The following LHFPL6 variants were observed in gnomAD, a reference collection of about 807,000 sequenced individuals.
LHFPL6 encodes the protein LHFPL tetraspan subfamily member 6 protein.
A neutral mutation model predicts 20.6 loss-of-function variants in LHFPL6; 9 were observed. The ratio of observed to expected loss-of-function variants is 0.44; its 90% CI spans 0.26 to 0.76. The LOEUF (loss-of-function observed/expected upper bound fraction) is 0.76, where lower values mean the gene tolerates loss of function less well. LHFPL6 is among the 30% of genes least tolerant of loss of function. LHFPL6 has a pLI of 0.20. For synonymous variants in LHFPL6, 105 were observed against 98.7 expected (o/e 1.06, Z -0.38); for missense variants, 218 against 253.5 (o/e 0.86, Z 0.95).
At chr13:39,390,939 G>A (rs1385043173) in intron 2 of LHFPL6, among the ~76,000 whole-genome samples, 1 of 152,184 alleles carries the variant, frequency 6.6e-6, no homozygotes, top group East Asian at 1.9e-4. Context: ...GGAGGTTGCA[G>A]TGAGCTGAGA....
At chr13:39,379,667 C>T (rs1280566279) in intron 2 of LHFPL6, among the ~76,000 whole-genome samples, 1 of 152,196 alleles carries the variant, frequency 6.6e-6, no homozygotes, top group African/African-American at 2.4e-5. Context: ...TACAAATAAT[C>T]TGTTTCCTTA....
intron 2 of LHFPL6, among the ~76,000 whole-genome samples, chr13:39,431,229 G>A (rs1871790685): frequency 6.6e-6 from 1 of 152,128 alleles, no homozygotes; most frequent in Admixed American, 6.5e-5. Context: ...CCATCTTTAA[G>A]AACTGTAACA....
chr13:39,419,122 C>G (rs184991073), intron 2 of LHFPL6, among the ~76,000 whole-genome samples: 10 of 152,298 alleles, frequency 6.6e-5, no homozygotes, highest in African/African-American at 2.4e-4. Context: ...ACCAGTCCAT[C>G]TACTTAGCTT....
chr13:39,575,275 T>C (rs1593370534), intron 2 of LHFPL6, among the ~76,000 whole-genome samples: 3 of 152,208 alleles, frequency 2.0e-5, no homozygotes, highest in African/African-American at 7.2e-5. Context: ...TGGTTTGTGA[T>C]TCTGCTAATA....
chr13:39,546,579 C>A (rs1870989111), intron 2 of LHFPL6, among the ~76,000 whole-genome samples: 1 of 152,110 alleles, frequency 6.6e-6, no homozygotes, highest in South Asian at 2.1e-4. Context: ...TTACAACCCT[C>A]CAGCTGGGTT....
chr13:39,505,566 G>A (rs144410223), intron 2 of LHFPL6, among the ~76,000 whole-genome samples: 91 of 152,008 alleles, frequency 6.0e-4, no homozygotes, highest in African/African-American at 1.8e-3. Context: ...GGCTCCAGAA[G>A]GCAGAGTTTA....
intron 2 of LHFPL6, among the ~76,000 whole-genome samples, chr13:39,465,905 C>T (rs1408881442): frequency 6.6e-6 from 1 of 151,952 alleles, no homozygotes. Context: ...TGGAAGATTT[C>T]CTTGCACCAC....
chr13:39,510,884 T>TTC (rs71080306), intron 2 of LHFPL6, among the ~76,000 whole-genome samples: 1 of 146,502 alleles, frequency 6.8e-6, no homozygotes, highest in African/African-American at 2.5e-5. Flanking sequence ...TTTTTTTTTT[T>TTC]CTTTTGAGAG....
chr13:39,363,211 G>A (rs544577966), intron 3 of LHFPL6, among the ~76,000 whole-genome samples: 60 of 152,270 alleles, frequency 3.9e-4, no homozygotes, highest in African/African-American at 1.3e-3. Context: ...GGGATGGGAG[G>A]CAGGGATTAG....
At chr13:39,400,517 C>G (rs1284860402) in intron 2 of LHFPL6, among the ~76,000 whole-genome samples, 2 of 152,150 alleles carry the variant, frequency 1.3e-5, no homozygotes, top group Non-Finnish European at 2.9e-5. Flanking sequence ...GGCGCGGTGG[C>G]TCACGCCTGT....
chr13:39,539,804 ATATT>A (rs1870739794), intron 2 of LHFPL6, among the ~76,000 whole-genome samples: 2 of 152,350 alleles, frequency 1.3e-5, no homozygotes, highest in South Asian at 4.1e-4. Context: ...TCAGTATTAA[ATATT>A]TAGAGGATTA....
At chr13:39,503,515 C>T (rs142979554) in intron 2 of LHFPL6, among the ~76,000 whole-genome samples, 1 of 152,292 alleles carries the variant, frequency 6.6e-6, no homozygotes, top group African/African-American at 2.4e-5. Context: ...ACATACCACA[C>T]AATTTACTTA....
intron 2 of LHFPL6, among the ~76,000 whole-genome samples, chr13:39,416,131 T>C (rs1278387482): frequency 6.6e-6 from 1 of 152,196 alleles, no homozygotes; most frequent in Non-Finnish European, 1.5e-5. Flanking sequence ...AAAATTAATA[T>C]GAACTGACGT....
intron 2 of LHFPL6, among the ~76,000 whole-genome samples, chr13:39,510,930 T>C (rs546814255): frequency 6.6e-6 from 1 of 152,092 alleles, no homozygotes; most frequent in Non-Finnish European, 1.5e-5. Flanking sequence ...TGGAGTACAG[T>C]GGCACCATCT....
At chr13:39,402,456 C>A (rs750721586) in intron 2 of LHFPL6, among the ~76,000 whole-genome samples, 1 of 152,158 alleles carries the variant, frequency 6.6e-6, no homozygotes, top group Non-Finnish European at 1.5e-5. Context: ...TCTTGAACTC[C>A]TGGCCTGAAG....
chr13:39,556,504 C>A (rs904174992), intron 2 of LHFPL6, among the ~76,000 whole-genome samples: 1 of 152,138 alleles, frequency 6.6e-6, no homozygotes, highest in African/African-American at 2.4e-5. Flanking sequence ...TGTGTTTATG[C>A]CCTAGGGATG....
intron 3 of LHFPL6, among the ~76,000 whole-genome samples, chr13:39,364,728 A>AT (rs1430402396): frequency 1.2e-4 from 18 of 152,066 alleles, no homozygotes; most frequent in Non-Finnish European, 2.5e-4. Flanking sequence ...ATAGGTATAC[A>AT]TGTGCCATGG....
At chr13:39,428,259 C>G (rs1196425148) in intron 2 of LHFPL6, among the ~76,000 whole-genome samples, 1 of 152,156 alleles carries the variant, frequency 6.6e-6, no homozygotes, top group Non-Finnish European at 1.5e-5. Context: ...CTCTCCTATT[C>G]AATTTTCTGC....
At chr13:39,485,282 G>C (rs148309220) in intron 2 of LHFPL6, among the ~76,000 whole-genome samples, 2 of 152,324 alleles carry the variant, frequency 1.3e-5, no homozygotes, top group East Asian at 3.9e-4. Context: ...CAATGCCTTA[G>C]AGGCATTGTA....
Sources: allele counts gnomAD v4.1 joint callset (sites outside exome capture counted in the v4.1 genomes callset), GRCh38; gene constraint gnomAD v4.1.1; transcripts MANE v1.5; gene names NCBI Gene and HGNC (gene_info 2026-07-23, HGNC 2026-07-21).